NPAS3: variants seen among roughly 807,000 people sequenced by gnomAD.
NPAS3 encodes the protein neuronal PAS domain-containing protein 3.
Under a neutral mutation model 73.1 loss-of-function variants are expected in NPAS3, and 14 were observed. The ratio of observed to expected loss-of-function variants is 0.19; its 90% confidence interval spans 0.13 to 0.30. The LOEUF is 0.30. Ranked by LOEUF, NPAS3 falls within the 10% of genes least tolerant of loss-of-function variation. NPAS3 has a pLI of 1.00. For missense variants in NPAS3, 1,096 were observed against 1,250.0 expected, an observed-to-expected ratio of 0.88 and a Z score of 1.86; for synonymous variants, 620 against 541.5, an observed-to-expected ratio of 1.14 and a Z score of -2.01.
intron 3 of NPAS3, among the ~76,000 whole-genome samples, chr14:33,245,403 G>A (rs1331134242): frequency 6.6e-6 from 1 of 152,110 alleles, no homozygotes; most frequent in Non-Finnish European, 1.5e-5. Context: ...TCTATCTCCA[G>A]ATCCAAAGCC....
intron 4 of NPAS3, among the ~76,000 whole-genome samples, chr14:33,413,963 T>A (rs2048039607): frequency 1.3e-5 from 2 of 152,306 alleles, no homozygotes; most frequent in Admixed American, 1.3e-4. Context: ...TTCATTCTTT[T>A]CATATTAGAT....
intron 5 of NPAS3, among the ~76,000 whole-genome samples, chr14:33,584,584 G>A (rs2056794446): frequency 1.3e-5 from 2 of 152,094 alleles, no homozygotes; most frequent in South Asian, 4.1e-4. Flanking sequence ...TGGCTGGCAG[G>A]ACAAGGGCTT....
chr14:33,611,271 CA>C (rs3215881), intron 5 of NPAS3, among the ~76,000 whole-genome samples: 29,273 of 152,046 alleles, frequency 0.19, 3,379 homozygotes, highest in East Asian at 0.32. Flanking sequence ...CAGCATAGAG[CA>C]AGTACTATTA....
intron 3 of NPAS3, among the ~76,000 whole-genome samples, chr14:33,286,024 GT>G (rs1433367370): frequency 6.6e-6 from 1 of 152,058 alleles, no homozygotes; most frequent in Non-Finnish European, 1.5e-5. Context: ...TTGTTAGTTT[GT>G]CTCCCCTCCC....
intron 3 of NPAS3, among the ~76,000 whole-genome samples, chr14:33,292,331 T>C (rs1436023761): frequency 6.6e-6 from 1 of 152,144 alleles, no homozygotes; most frequent in Non-Finnish European, 1.5e-5. Context: ...GACTCTCAAC[T>C]CAGGAAGCCC....
At chr14:33,320,462 G>A (rs1019656094) in intron 3 of NPAS3, among the ~76,000 whole-genome samples, 4 of 152,130 alleles carry the variant, frequency 2.6e-5, no homozygotes, top group Non-Finnish European at 4.4e-5. Flanking sequence ...AAAAAAGAAA[G>A]ATTGCTCTGG....
intron 4 of NPAS3, among the ~76,000 whole-genome samples, chr14:33,406,726 A>C (rs977778282): frequency 1.3e-5 from 2 of 152,064 alleles, no homozygotes; most frequent in Non-Finnish European, 2.9e-5. Flanking sequence ...GATAGTTTTT[A>C]CTCTGTGCTC....
intron 3 of NPAS3, among the ~76,000 whole-genome samples, chr14:33,333,363 T>C (rs1348695464): frequency 5.9e-5 from 9 of 152,240 alleles, no homozygotes; most frequent in Non-Finnish European, 1.3e-4. Context: ...ACTTTTCTTT[T>C]GCTCTTTCTA....
intron 2 of NPAS3, among the ~76,000 whole-genome samples, chr14:33,201,229 T>C (rs1276796157): frequency 6.6e-6 from 1 of 152,110 alleles, no homozygotes; most frequent in Non-Finnish European, 1.5e-5. Flanking sequence ...TTGGAAGTGT[T>C]GACTAATTGG....
chr14:33,421,909 A>G (rs2048374165), intron 4 of NPAS3, among the ~76,000 whole-genome samples: 1 of 151,894 alleles, frequency 6.6e-6, no homozygotes, highest in Non-Finnish European at 1.5e-5. Flanking sequence ...AGTAAATGAA[A>G]CCACTTCTTT....
chr14:33,509,268 T>C (rs574324456), intron 4 of NPAS3, among the ~76,000 whole-genome samples: 27 of 152,122 alleles, frequency 1.8e-4, no homozygotes, highest in African/African-American at 5.3e-4. Context: ...GATTCTGCCA[T>C]ACAGATTATG....
intron 5 of NPAS3, among the ~76,000 whole-genome samples, chr14:33,662,239 T>C (rs1349530429): frequency 6.6e-6 from 1 of 152,134 alleles, no homozygotes; most frequent in South Asian, 2.1e-4. Context: ...ATCACACAGG[T>C]TGAGGTTTTG....
intron 4 of NPAS3, among the ~76,000 whole-genome samples, chr14:33,547,095 G>C (rs2054881771): frequency 6.6e-6 from 1 of 152,134 alleles, no homozygotes; most frequent in African/African-American, 2.4e-5. Context: ...AAAGACTTAA[G>C]GTTGTGTTTG....
At chr14:33,620,547 G>T (rs2058049362) in intron 5 of NPAS3, among the ~76,000 whole-genome samples, 1 of 152,100 alleles carries the variant, frequency 6.6e-6, no homozygotes, top group Non-Finnish European at 1.5e-5. Context: ...GAGAGAGACT[G>T]ATCTCAAAGA....
At chr14:33,778,199 A>G (rs1313754565) in intron 8 of NPAS3, among the ~76,000 whole-genome samples, 1 of 152,222 alleles carries the variant, frequency 6.6e-6, no homozygotes, top group African/African-American at 2.4e-5. Context: ...TGTTGTCTAA[A>G]TGTGCATTCT....
chr14:32,959,891 G>A (rs943556881), intron 1 of NPAS3, among the ~76,000 whole-genome samples: 15 of 152,162 alleles, frequency 9.9e-5, no homozygotes, highest in Middle Eastern at 3.4e-3. Context: ...ACTGAAGTCA[G>A]GTAGCTTATG....
intron 7 of NPAS3, among the ~76,000 whole-genome samples, chr14:33,769,509 G>A (rs187794636): frequency 5.9e-5 from 9 of 152,036 alleles, no homozygotes; most frequent in African/African-American, 1.7e-4. Flanking sequence ...TGCCATCTGG[G>A]CCCCATCTCT....
At chr14:33,716,703 T>C (rs1381185844) in intron 6 of NPAS3, among the ~76,000 whole-genome samples, 3 of 152,148 alleles carry the variant, frequency 2.0e-5, no homozygotes, top group African/African-American at 7.2e-5. Context: ...AGATATGTCA[T>C]ATAAGCGAAT....
chr14:33,402,515 G>A (rs1358938017), intron 4 of NPAS3, among the ~76,000 whole-genome samples: 3 of 152,052 alleles, frequency 2.0e-5, no homozygotes, highest in Non-Finnish European at 4.4e-5. Context: ...TTGGCTGGCA[G>A]GCCTGAAGAG....
Sources: allele counts gnomAD v4.1 joint callset (sites outside exome capture counted in the v4.1 genomes callset), GRCh38; gene constraint gnomAD v4.1.1; transcripts MANE v1.5; gene names NCBI Gene and HGNC (gene_info 2026-07-23, HGNC 2026-07-21).